The following NFIL3 variants were observed in gnomAD, a reference collection of about 807,000 sequenced individuals.
NFIL3 encodes nuclear factor interleukin-3-regulated protein.
In NFIL3, 5 loss-of-function variants were observed where a neutral mutation model predicts 10.0. The ratio of observed to expected loss-of-function variants is 0.50; its 90% CI spans 0.26 to 1.06. The LOEUF (loss-of-function observed/expected upper bound fraction) is 1.06. NFIL3 is among the 50% of genes least tolerant of loss of function. The probability of loss-of-function intolerance (pLI) is 0.13; values close to 1 mark genes in which losing one functional copy is unlikely to be tolerated. For missense variants in NFIL3, 436 were observed against 547.6 expected, an observed-to-expected ratio of 0.80 and a Z score of 2.03; for synonymous variants, 202 against 206.5, an observed-to-expected ratio of 0.98 and a Z score of 0.19.
chr9:91,413,259 T>C (rs1174726307), intron 1 of NFIL3, among the ~76,000 whole-genome samples: 1 of 152,146 alleles, frequency 6.6e-6, no homozygotes, highest in Non-Finnish European at 1.5e-5. Flanking sequence ...TATTTCCTTT[T>C]TTTTTTTTGA....
At chr9:91,444,177 G>T in the NFIL3 span, among the ~76,000 whole-genome samples, 2 of 151,656 alleles carry the variant, frequency 1.3e-5, no homozygotes, top group Non-Finnish European at 2.9e-5. Context: ...CAAGTTCACA[G>T]AATCTTTCTT....
chr9:91,477,509 T>C, the NFIL3 span, among the ~76,000 whole-genome samples: 4 of 152,180 alleles, frequency 2.6e-5, no homozygotes, highest in Non-Finnish European at 5.9e-5. Context: ...GGACAGGTCA[T>C]AAGCCCCATC....
At chr9:91,455,091 T>C in the NFIL3 span, among the ~76,000 whole-genome samples, 4,466 of 152,262 alleles carry the variant, frequency 0.029, 100 homozygotes, top group Non-Finnish European at 0.041. Context: ...GGACTATGAG[T>C]TATACGAATA....
the NFIL3 span, among the ~76,000 whole-genome samples, chr9:91,469,495 CTCTTTTCCTAATTGAA>C: frequency 3.9e-5 from 6 of 152,164 alleles, no homozygotes; most frequent in Non-Finnish European, 8.8e-5. Context: ...ATTTGACTTC[CTCTTTTCCTAATTGAA>C]TACCCTTTAT....
the NFIL3 span, among the ~76,000 whole-genome samples, chr9:91,478,858 C>T: frequency 6.6e-6 from 1 of 152,270 alleles, no homozygotes; most frequent in East Asian, 1.9e-4. Flanking sequence ...GATGTTGATG[C>T]TATTCCTTTC....
At chr9:91,459,613 A>C in the NFIL3 span, among the ~76,000 whole-genome samples, 2 of 152,212 alleles carry the variant, frequency 1.3e-5, no homozygotes, top group East Asian at 1.9e-4. Flanking sequence ...TGAGCCCAGG[A>C]GTTCAAGGCT....
At chr9:91,424,550 G>A (rs1487067498), upstream of NFIL3, among the ~76,000 whole-genome samples, 1 of 152,200 alleles carries the variant, frequency 6.6e-6, no homozygotes, top group Non-Finnish European at 1.5e-5. Context: ...AAATGTCCCG[G>A]CGCCTCTCCC....
At chr9:91,428,730 G>C (rs1330036875), upstream of NFIL3, among the ~76,000 whole-genome samples, 1 of 152,220 alleles carries the variant, frequency 6.6e-6, no homozygotes, top group Non-Finnish European at 1.5e-5. Context: ...GAAAAGACCA[G>C]AAAGAGGTGA....
the NFIL3 span, among the ~76,000 whole-genome samples, chr9:91,468,185 C>T: frequency 1.3e-5 from 2 of 152,218 alleles, no homozygotes; most frequent in Non-Finnish European, 2.9e-5. Context: ...TCTCCACATC[C>T]TCTCCAGCAC....
chr9:91,414,207 G>A (rs771552706), intron 1 of NFIL3, among the ~76,000 whole-genome samples: 38 of 152,180 alleles, frequency 2.5e-4, no homozygotes, highest in Non-Finnish European at 5.0e-4. Context: ...AACTTCATTT[G>A]CTTTTTTGTT....
At chr9:91,468,539 T>C in the NFIL3 span, among the ~76,000 whole-genome samples, 1 of 152,214 alleles carries the variant, frequency 6.6e-6, no homozygotes, top group Non-Finnish European at 1.5e-5. Flanking sequence ...CTCTTTACTT[T>C]AATTAGATCC....
the NFIL3 span, among the ~76,000 whole-genome samples, chr9:91,474,361 A>C: frequency 6.6e-6 from 1 of 152,084 alleles, no homozygotes; most frequent in Non-Finnish European, 1.5e-5. Flanking sequence ...ATTTTATTGA[A>C]GGCTTTTTCA....
Position 91,409,703 on chromosome 9 carries a change from T to C in NFIL3, c.1032A>G (p.Glu344=). The change falls in exon 2 of 2, where the codon GAA becomes GAG. Residue 344 remains glutamate, a synonymous_variant. Coordinates refer to ENST00000297689, the MANE Select transcript of NFIL3 (RefSeq NM_005384.3). ...MQIKVEAFDN[E]FEATQKLSSP... is the part of the protein sequence containing the mutation. ...AGGAAAGTTTTTGCGTGGCCTCAAATTCATTATCAAAGGCTTCTACTTTGA... is the reference window on the plus strand; with the variant it reads ...AGGAAAGTTTTTGCGTGGCCTCAAACTCATTATCAAAGGCTTCTACTTTGA... The C allele has an allele frequency of 6.2e-7, 1 of 1,614,202 alleles. No individual in the cohort carries two copies. The highest frequency in any genetic ancestry group is 8.5e-7 in the Non-Finnish European group (1 of 1,180,026).
At chr9:91,434,088 A>G in the NFIL3 span, among the ~76,000 whole-genome samples, 2 of 152,208 alleles carry the variant, frequency 1.3e-5, no homozygotes, top group African/African-American at 4.8e-5. Context: ...TCTCTTAATC[A>G]AAATTCTAAT....
chr9:91,416,281 A>G (rs566558257), intron 1 of NFIL3, among the ~76,000 whole-genome samples: 35 of 152,182 alleles, frequency 2.3e-4, no homozygotes, highest in African/African-American at 8.4e-4. Context: ...TGACCTTCCC[A>G]AGACCACACA....
the NFIL3 span, among the ~76,000 whole-genome samples, chr9:91,479,417 G>A: frequency 6.6e-6 from 1 of 152,134 alleles, no homozygotes; most frequent in Non-Finnish European, 1.5e-5. Context: ...CAACCAGTCC[G>A]AACTTCTTGG....
the NFIL3 span, among the ~76,000 whole-genome samples, chr9:91,446,978 G>T: frequency 5.9e-5 from 9 of 152,048 alleles, no homozygotes; most frequent in African/African-American, 2.2e-4. Flanking sequence ...ACCATGCCTG[G>T]CTAATTTTTG....
chr9:91,445,052 A>G, the NFIL3 span, among the ~76,000 whole-genome samples: 1 of 152,106 alleles, frequency 6.6e-6, no homozygotes, highest in Admixed American at 6.5e-5. Context: ...TCTCTAATAA[A>G]GCTGGGGTCT....
chr9:91,429,645 C>T, the NFIL3 span, among the ~76,000 whole-genome samples: 4 of 152,026 alleles, frequency 2.6e-5, no homozygotes, highest in Non-Finnish European at 5.9e-5. Context: ...GGTGCTTGAC[C>T]GCATTTCTGG....
Sources: allele counts gnomAD v4.1 joint callset (sites outside exome capture counted in the v4.1 genomes callset), GRCh38; gene constraint gnomAD v4.1.1; transcripts MANE v1.5; gene names NCBI Gene and HGNC (gene_info 2026-07-23, HGNC 2026-07-21).